DSCAM: variants seen among roughly 807,000 people sequenced by gnomAD.
DSCAM encodes cell adhesion molecule DSCAM.
DSCAM carries 47 observed loss-of-function variants against 217.7 expected under a neutral mutation model. The ratio of observed to expected loss-of-function variants is 0.22; its 90% CI spans 0.17 to 0.28. The LOEUF (loss-of-function observed/expected upper bound fraction) is 0.28, where lower values mean the gene tolerates loss of function less well. Ranked by LOEUF, DSCAM falls within the 10% of genes least tolerant of loss-of-function variation. DSCAM has a pLI of 1.00. For missense variants in DSCAM, 2,080 were observed against 2,618.3 expected, an observed-to-expected ratio of 0.79 and a Z score of 4.49; for synonymous variants, 1,056 against 1,015.3, an observed-to-expected ratio of 1.04 and a Z score of -0.76.
At chr21:40,049,068 T>A (rs2088887885) in intron 30 of DSCAM, among the ~76,000 whole-genome samples, 1 of 152,218 alleles carries the variant, frequency 6.6e-6, no homozygotes, top group South Asian at 2.1e-4. Flanking sequence ...AACCAGAGAC[T>A]GATGCATGCA....
intron 3 of DSCAM, among the ~76,000 whole-genome samples, chr21:40,683,750 A>G (rs2146430996): frequency 6.6e-6 from 1 of 152,264 alleles, no homozygotes; most frequent in East Asian, 1.9e-4. Flanking sequence ...GGGTCATCTG[A>G]AGAAAGCTGT....
At chr21:40,621,982 AAAGAG>A (rs2089525373) in intron 3 of DSCAM, among the ~76,000 whole-genome samples, 1 of 151,840 alleles carries the variant, frequency 6.6e-6, no homozygotes, top group African/African-American at 2.4e-5. Flanking sequence ...GGAGGGGAAA[AAAGAG>A]AGAGAGAGAA....
chr21:40,291,606 A>C (rs66817674), intron 10 of DSCAM, among the ~76,000 whole-genome samples: 33,029 of 151,596 alleles, frequency 0.22, 4,565 homozygotes, highest in South Asian at 0.31. Context: ...CCTACCCCCA[A>C]CTCTTGGGAA....
At position 40,468,120 on chromosome 21, in the gene DSCAM, C is replaced by A. The variant is rs1018425153; in HGVS notation, c.509-98875G>T. Among the ~76,000 whole-genome samples, 5 of 152,280 alleles carry A rather than the reference C, an allele frequency of 3.3e-5. No homozygotes were observed. In the South Asian group the frequency reaches 1.0e-3, roughly 32 times the overall value. On this transcript the variant is annotated intron_variant, in intron 3 of 32. Coordinates refer to ENST00000400454, the MANE Select transcript of DSCAM (RefSeq NM_001389.5). ...CAGTCATTCCTCTGCCCATCTGAGA[C>A]AAATGCACATCTGATTTGCTTCCTC... is the stretch of plus-strand genomic sequence containing the variant.
intron 15 of DSCAM, among the ~76,000 whole-genome samples, chr21:40,175,793 ACACACACACACACACG>A (rs1292137927): frequency 2.9e-5 from 3 of 105,212 alleles, no homozygotes; most frequent in African/African-American, 1.1e-4. Flanking sequence ...ACACACACAC[ACACACACACACACACG>A]CACACACACA....
At chr21:40,393,154 G>A (rs1352119234) in intron 3 of DSCAM, among the ~76,000 whole-genome samples, 1 of 152,140 alleles carries the variant, frequency 6.6e-6, no homozygotes, top group Non-Finnish European at 1.5e-5. Flanking sequence ...AATCTAAAGA[G>A]TGCAGACTTA....
chr21:40,460,223 G>A (rs2075795613), intron 3 of DSCAM, among the ~76,000 whole-genome samples: 1 of 152,022 alleles, frequency 6.6e-6, no homozygotes, highest in African/African-American at 2.4e-5. Context: ...AACCACCATG[G>A]CACATATTTA....
chr21:40,371,494 AGGCCATGAGTGGT>A (rs2074898582), intron 3 of DSCAM, among the ~76,000 whole-genome samples: 1 of 152,074 alleles, frequency 6.6e-6, no homozygotes, highest in African/African-American at 2.4e-5. Flanking sequence ...TAGAATTGAT[AGGCCATGAGTGGT>A]GGCAAAATAC....
intron 3 of DSCAM, among the ~76,000 whole-genome samples, chr21:40,502,495 C>T (rs2076177539): frequency 6.6e-6 from 1 of 152,104 alleles, no homozygotes; most frequent in Non-Finnish European, 1.5e-5. Context: ...GGTTGGCAGG[C>T]CGTCTTCTTT....
At chr21:40,235,399 G>A (rs539260751) in intron 11 of DSCAM, among the ~76,000 whole-genome samples, 7 of 152,214 alleles carry the variant, frequency 4.6e-5, no homozygotes, top group African/African-American at 7.2e-5. Flanking sequence ...ATTTTCTTTC[G>A]CTGTATGTTT....
chr21:40,385,899 A>C (rs998271277), intron 3 of DSCAM, among the ~76,000 whole-genome samples: 3 of 152,224 alleles, frequency 2.0e-5, no homozygotes, highest in Non-Finnish European at 4.4e-5. Flanking sequence ...GGATAAACCG[A>C]TTCACAGCTA....
intron 1 of DSCAM, among the ~76,000 whole-genome samples, chr21:40,736,695 C>T (rs1385953734): frequency 6.6e-6 from 1 of 152,132 alleles, no homozygotes; most frequent in Non-Finnish European, 1.5e-5. Flanking sequence ...TTAGGAGCTC[C>T]TGTGTCAAGA....
chr21:40,468,678 T>C (rs963301911), intron 3 of DSCAM, among the ~76,000 whole-genome samples: 4 of 152,168 alleles, frequency 2.6e-5, no homozygotes, highest in Non-Finnish European at 5.9e-5. Flanking sequence ...AGCATCTCGA[T>C]AGCCTAAGGG....
intron 11 of DSCAM, among the ~76,000 whole-genome samples, chr21:40,257,522 T>A (rs919453847): frequency 7.3e-6 from 1 of 137,198 alleles, no homozygotes; most frequent in Non-Finnish European, 1.6e-5. Flanking sequence ...TCCCTGGCAC[T>A]GCCTCTCCAC....
At chr21:40,455,677 G>C (rs1452410859) in intron 3 of DSCAM, among the ~76,000 whole-genome samples, 1 of 152,126 alleles carries the variant, frequency 6.6e-6, no homozygotes, top group Non-Finnish European at 1.5e-5. Flanking sequence ...GCTGAGGCAG[G>C]AGTATCGGTT....
Position 40,455,468 on chromosome 21 carries a change from A to G in DSCAM, c.509-86223T>C, listed in dbSNP as rs7276910. ...CACTGTCCAGAAGAGGAAGAATTGC[A>G]TTAGAAACATAAACCAAGCCAGGCA... On this transcript the variant is annotated intron_variant, in intron 3 of 32. Transcript: ENST00000400454. Among the ~76,000 whole-genome samples, 304 of 152,332 alleles carry G rather than the reference A, an allele frequency of 2.0e-3. 2 individuals are homozygous for G. Among genetic ancestry groups the G allele is most frequent in the African/African-American group, 6.7e-3 (277 of 41,580 alleles).
At chr21:40,032,640 T>C (rs1283032390) in intron 32 of DSCAM, among the ~76,000 whole-genome samples, 1 of 152,204 alleles carries the variant, frequency 6.6e-6, no homozygotes, top group Non-Finnish European at 1.5e-5. Flanking sequence ...ACTCAAAAAG[T>C]GTTAGATCTC....
intron 32 of DSCAM, among the ~76,000 whole-genome samples, chr21:40,020,447 G>A (rs1280872672): frequency 6.6e-6 from 1 of 152,078 alleles, no homozygotes; most frequent in Non-Finnish European, 1.5e-5. Context: ...CATGAAGCAG[G>A]GGAGGGACAA....
chr21:40,452,274 C>CACACACACACACACA (rs1239636245), intron 3 of DSCAM, among the ~76,000 whole-genome samples: 1 of 86,450 alleles, frequency 1.2e-5, no homozygotes, highest in Non-Finnish European at 2.4e-5. Flanking sequence ...ACACAGGTAT[C>CACACACACACACACA]CTGGAGGTAT....
Sources: gnomAD v4.1 joint callset for allele counts (sites outside exome capture counted in the v4.1 genomes callset) on GRCh38, gnomAD v4.1.1 for gene constraint, MANE v1.5 for transcripts, NCBI Gene and HGNC (gene_info 2026-07-23, HGNC 2026-07-21) for gene names.